AFF3: variants seen among roughly 807,000 people sequenced by gnomAD.
AFF3 encodes AF4/FMR2 family member 3.
AFF3 carries 32 observed loss-of-function variants against 129.7 expected under a neutral mutation model. That is an observed-to-expected ratio of 0.25 (90% CI 0.19 to 0.33). The LOEUF (loss-of-function observed/expected upper bound fraction) is 0.33. Among genes scored for constraint, AFF3 ranks in the 10% least tolerant of loss-of-function variants. The pLI, the probability that AFF3 is intolerant of heterozygous loss-of-function variation, is 1.00. For synonymous variants in AFF3, 644 were observed against 635.4 expected, an observed-to-expected ratio of 1.01 and a Z score of -0.20; for missense variants, 1,373 against 1,592.0, an observed-to-expected ratio of 0.86 and a Z score of 2.34.
chr2:99,661,085 T>G (rs527963122), intron 12 of AFF3, among the ~76,000 whole-genome samples: 56 of 152,326 alleles, frequency 3.7e-4, no homozygotes, highest in African/African-American at 1.2e-3. Context: ...AAATGAGGGA[T>G]AGCGTATACT....
intron 8 of AFF3, among the ~76,000 whole-genome samples, chr2:99,788,804 G>C (rs185331801): frequency 6.6e-6 from 1 of 152,198 alleles, no homozygotes; most frequent in East Asian, 1.9e-4. Context: ...TCCTTTCGTG[G>C]TAAGGGTCCT....
chr2:99,552,069 C>T (rs780765453), intron 24 of AFF3, among the ~76,000 whole-genome samples: 35 of 152,130 alleles, frequency 2.3e-4, no homozygotes, highest in Non-Finnish European at 3.8e-4. Context: ...TTGAACATTC[C>T]CTAGGTTTGC....
intron 13 of AFF3, among the ~76,000 whole-genome samples, chr2:99,624,931 A>C (rs1377254415): frequency 6.6e-6 from 1 of 152,160 alleles, no homozygotes; most frequent in Non-Finnish European, 1.5e-5. Context: ...ACCGATTTCC[A>C]AACAGGCCCA....
At chr2:99,700,733 C>A (rs191167383) in intron 11 of AFF3, among the ~76,000 whole-genome samples, 43 of 152,324 alleles carry the variant, frequency 2.8e-4, no homozygotes, top group Middle Eastern at 6.8e-3. Flanking sequence ...GAGCTTAGAA[C>A]AACGTCCAGA....
chr2:99,774,249 T>C (rs1029332190), intron 8 of AFF3, among the ~76,000 whole-genome samples: 2 of 152,190 alleles, frequency 1.3e-5, no homozygotes, highest in African/African-American at 4.8e-5. Flanking sequence ...AAAATTCATA[T>C]GGAACCAAAA....
At chr2:100,069,434 A>G (rs556492971) in intron 4 of AFF3, among the ~76,000 whole-genome samples, 24 of 152,362 alleles carry the variant, frequency 1.6e-4, no homozygotes, top group Non-Finnish European at 3.2e-4. Flanking sequence ...GTAAAATAGG[A>G]AACATGATAG....
At chr2:99,976,227 G>C (rs1678875028) in intron 7 of AFF3, among the ~76,000 whole-genome samples, 1 of 151,954 alleles carries the variant, frequency 6.6e-6, no homozygotes, top group Non-Finnish European at 1.5e-5. Context: ...ACTTCAACAG[G>C]AATCTCTTTT....
At chr2:99,602,834 G>A (rs1312694294) in intron 13 of AFF3, among the ~76,000 whole-genome samples, 1 of 152,160 alleles carries the variant, frequency 6.6e-6, no homozygotes, top group Admixed American at 6.5e-5. Context: ...GCCCAAAGAG[G>A]ACTTTCATAA....
intron 8 of AFF3, among the ~76,000 whole-genome samples, chr2:99,780,833 A>C (rs1194572804): frequency 6.6e-6 from 1 of 152,090 alleles, no homozygotes; most frequent in African/African-American, 2.4e-5. Flanking sequence ...GCGACCTCCA[A>C]GGCTGCCCAC....
chr2:99,738,290 C>G (rs1680424360), intron 10 of AFF3, among the ~76,000 whole-genome samples: 1 of 151,784 alleles, frequency 6.6e-6, no homozygotes, highest in African/African-American at 2.4e-5. Flanking sequence ...ATCTTCAATC[C>G]CTTTCATATT....
At chr2:100,140,656 A>C (rs112774387) in intron 1 of AFF3, among the ~76,000 whole-genome samples, 2 of 152,120 alleles carry the variant, frequency 1.3e-5, no homozygotes, top group African/African-American at 4.8e-5. Context: ...CATGTTATAT[A>C]CTATCATTTG....
chr2:100,012,809 ATACAT>A (rs1279665380), intron 4 of AFF3, among the ~76,000 whole-genome samples: 1 of 152,186 alleles, frequency 6.6e-6, no homozygotes, highest in Non-Finnish European at 1.5e-5. Flanking sequence ...ATGCCAACAT[ATACAT>A]TAAACTCAAA....
At chr2:99,597,312 A>G (rs981045408) in intron 14 of AFF3, among the ~76,000 whole-genome samples, 2 of 152,218 alleles carry the variant, frequency 1.3e-5, no homozygotes, top group African/African-American at 4.8e-5. Context: ...AATTTTGGAG[A>G]AAACACCAAG....
chr2:100,044,478 CT>C (rs1685679330), intron 4 of AFF3, among the ~76,000 whole-genome samples: 1 of 151,852 alleles, frequency 6.6e-6, no homozygotes, highest in Non-Finnish European at 1.5e-5. Flanking sequence ...ACCTCAATGT[CT>C]TTTTTTCAAG....
intron 4 of AFF3, among the ~76,000 whole-genome samples, chr2:100,034,115 T>G (rs1368939740): frequency 6.6e-6 from 1 of 152,228 alleles, no homozygotes. Context: ...GCTTAAAAAC[T>G]GACATATTAG....
chr2:99,959,633 A>ATT (rs1677029777), intron 7 of AFF3, among the ~76,000 whole-genome samples: 1 of 150,888 alleles, frequency 6.6e-6, no homozygotes, highest in Non-Finnish European at 1.5e-5. Flanking sequence ...GCACATTGCA[A>ATT]GCGCTCACAG....
At chr2:100,005,466 G>C (rs62149311) in intron 7 of AFF3, among the ~76,000 whole-genome samples, 16,254 of 152,206 alleles carry the variant, frequency 0.11, 1,209 homozygotes, top group Non-Finnish European at 0.15. Flanking sequence ...GTCATTTGAT[G>C]ATGACGAATC....
chr2:99,744,454 G>C lies in AFF3; in HGVS notation c.1003-314C>G, dbSNP rs1452593976. Among the ~76,000 whole-genome samples, 2 of 152,124 alleles carry C rather than the reference G, an allele frequency of 1.3e-5. 1 individual carries two copies. Among genetic ancestry groups the C allele is most frequent in the African/African-American group, 4.8e-5 (2 of 41,422 alleles). On this transcript the variant is annotated intron_variant, in intron 9 of 24. Coordinates refer to ENST00000672756, the MANE Select transcript of AFF3 (RefSeq NM_001386135.1). ...TGGCATTTGGTACTTTCATAAGGTT[G>C]TGCAACCACTACCTCTATCTAGTTA...
At chr2:100,125,072 G>C (rs1692129099) in intron 2 of AFF3, among the ~76,000 whole-genome samples, 1 of 152,184 alleles carries the variant, frequency 6.6e-6, no homozygotes, top group Non-Finnish European at 1.5e-5. Flanking sequence ...ATGAATGGTG[G>C]GGATAGAACG....
Sources: allele counts gnomAD v4.1 joint callset (sites outside exome capture counted in the v4.1 genomes callset), GRCh38; gene constraint gnomAD v4.1.1; transcripts MANE v1.5; gene names NCBI Gene and HGNC (gene_info 2026-07-23, HGNC 2026-07-21).